The following FAT3 variants were observed in gnomAD, a reference collection of about 807,000 sequenced individuals.
The protein encoded by FAT3 is protocadherin Fat 3.
Under a neutral mutation model 310.2 loss-of-function variants are expected in FAT3, and 95 were observed. That is an observed-to-expected ratio of 0.31 (90% CI 0.26 to 0.36). The LOEUF is 0.36. Ranked by LOEUF, FAT3 falls within the 10% of genes least tolerant of loss-of-function variation. FAT3 has a pLI of 1.00. For synonymous variants in FAT3, 2,314 were observed against 2,192.9 expected, an observed-to-expected ratio of 1.06 and a Z score of -1.54; for missense variants, 5,408 against 5,715.6, an observed-to-expected ratio of 0.95 and a Z score of 1.74.
chr11:92,828,101 G>A (rs903256528), intron 13 of FAT3, among the ~76,000 whole-genome samples: 2 of 151,840 alleles, frequency 1.3e-5, no homozygotes, highest in African/African-American at 4.8e-5. Context: ...AGACCAATTA[G>A]CAAGCAAGTC....
chr11:92,320,528 A>T (rs1850250444), intron 1 of FAT3, among the ~76,000 whole-genome samples: 1 of 152,142 alleles, frequency 6.6e-6, no homozygotes, highest in Non-Finnish European at 1.5e-5. Flanking sequence ...CTAAGGATCA[A>T]ATTCATTTTT....
At chr11:92,495,244 G>A (rs751989589) in intron 2 of FAT3, among the ~76,000 whole-genome samples, 6 of 152,200 alleles carry the variant, frequency 3.9e-5, no homozygotes, top group Admixed American at 1.3e-4. Context: ...TTCTTTATGA[G>A]TAGATGAAAT....
chr11:92,886,687 C>T (rs567124075), intron 24 of FAT3, among the ~76,000 whole-genome samples: 3 of 152,322 alleles, frequency 2.0e-5, no homozygotes, highest in Non-Finnish European at 1.5e-5. Context: ...AAGAGCAATG[C>T]AGCCACTTCA....
At chr11:92,227,330 C>G (rs1863963935) in intron 1 of FAT3, among the ~76,000 whole-genome samples, 1 of 152,162 alleles carries the variant, frequency 6.6e-6, no homozygotes, top group Admixed American at 6.5e-5. Context: ...TGGATTTGTG[C>G]TCCTGGCTTT....
chr11:92,336,155 C>G (rs1446758021), intron 1 of FAT3: 1 of 552,912 alleles, frequency 1.8e-6, no homozygotes, highest in Non-Finnish European at 3.6e-6. Context: ...CCCACTCTCG[C>G]ATCCTGTAAT....
chr11:92,794,858 G>T (rs148230206), intron 9 of FAT3, among the ~76,000 whole-genome samples: 1 of 152,192 alleles, frequency 6.6e-6, no homozygotes, highest in Non-Finnish European at 1.5e-5. Context: ...ACACTGGTCC[G>T]CACTGGTCCT....
At chr11:92,643,978 T>G (rs1032093345) in intron 3 of FAT3, among the ~76,000 whole-genome samples, 2 of 152,272 alleles carry the variant, frequency 1.3e-5, no homozygotes, top group African/African-American at 4.8e-5. Flanking sequence ...TTCTAGATTC[T>G]TTTCAGTGCA....
intron 19 of FAT3, among the ~76,000 whole-genome samples, chr11:92,846,321 G>A (rs1183755200): frequency 6.6e-6 from 1 of 151,848 alleles, no homozygotes; most frequent in Non-Finnish European, 1.5e-5. Flanking sequence ...AAGATTCAAA[G>A]CAAAAAAGAT....
Position 92,256,394 on chromosome 11 carries a change from T to TTA in FAT3, c.-18+31234_-18+31235dup, listed in dbSNP as rs200176764. Among the ~76,000 whole-genome samples, 218 of 150,838 alleles carry TTA rather than the reference T, an allele frequency of 1.4e-3. 2 individuals carry two copies. Among genetic ancestry groups the TTA allele is most frequent in the African/African-American group, 4.1e-3 (169 of 41,156 alleles). On this transcript the variant is annotated intron_variant, in intron 1 of 27. Coordinates refer to ENST00000525166, the MANE Select transcript of FAT3 (RefSeq NM_001367949.2). ...AGGAATTTCCAGTGATCACAATTGT[T>TTA]TATATATATATATATGAAAAATATA...
chr11:92,592,383 A>G (rs928896410), intron 3 of FAT3, among the ~76,000 whole-genome samples: 8 of 131,218 alleles, frequency 6.1e-5, no homozygotes, highest in Non-Finnish European at 1.1e-4. Flanking sequence ...ATGCCATGGC[A>G]CAATCTTGGC....
chr11:92,392,248 G>C (rs1264009641), intron 2 of FAT3, among the ~76,000 whole-genome samples: 2 of 152,100 alleles, frequency 1.3e-5, no homozygotes, highest in Non-Finnish European at 2.9e-5. Context: ...AGTATCTGCA[G>C]ACATTGTTGT....
At chr11:92,626,933 A>G (rs931600961) in intron 3 of FAT3, among the ~76,000 whole-genome samples, 1 of 152,208 alleles carries the variant, frequency 6.6e-6, no homozygotes, top group Admixed American at 6.5e-5. Context: ...TGATATAATG[A>G]CACTGAATTT....
chr11:92,497,338 G>A (rs1331522946), intron 2 of FAT3, among the ~76,000 whole-genome samples: 2 of 152,024 alleles, frequency 1.3e-5, no homozygotes, highest in African/African-American at 4.8e-5. Flanking sequence ...TCAAGTTAAT[G>A]TCTGTGCATT....
chr11:92,457,227 A>G (rs750548542), intron 2 of FAT3, among the ~76,000 whole-genome samples: 27 of 152,286 alleles, frequency 1.8e-4, no homozygotes, highest in Non-Finnish European at 3.1e-4. Context: ...GAGGTCAGAG[A>G]AGGGCCAACA....
chr11:92,375,846 TA>T (rs571887227), intron 2 of FAT3, among the ~76,000 whole-genome samples: 12 of 152,022 alleles, frequency 7.9e-5, no homozygotes, highest in African/African-American at 1.9e-4. Context: ...TTTACTGACC[TA>T]AAAAAAATCA....
chr11:92,858,813 G>A (rs1362051672), intron 20 of FAT3, among the ~76,000 whole-genome samples: 3 of 151,786 alleles, frequency 2.0e-5, no homozygotes, highest in African/African-American at 7.3e-5. Flanking sequence ...TGGGGGTTGG[G>A]GGAGGAATGA....
At chr11:92,377,995 G>A (rs1949391905) in intron 2 of FAT3, among the ~76,000 whole-genome samples, 1 of 150,084 alleles carries the variant, frequency 6.7e-6, no homozygotes, top group African/African-American at 2.5e-5. Context: ...AATGGACACT[G>A]TGGCTCTATG....
chr11:92,585,525 G>A (rs1792352), intron 3 of FAT3, among the ~76,000 whole-genome samples: 54,893 of 151,864 alleles, frequency 0.36, 10,341 homozygotes, highest in African/African-American at 0.45. Context: ...AGTTAGAAAA[G>A]TAAACATTCA....
At chr11:92,829,453 T>A (rs1948184070) in intron 13 of FAT3, among the ~76,000 whole-genome samples, 1 of 152,186 alleles carries the variant, frequency 6.6e-6, no homozygotes, top group Non-Finnish European at 1.5e-5. Flanking sequence ...TGGAGAGGCA[T>A]CCTGAGACCA....
Sources: allele counts gnomAD v4.1 joint callset (sites outside exome capture counted in the v4.1 genomes callset), GRCh38; gene constraint gnomAD v4.1.1; transcripts MANE v1.5; gene names NCBI Gene and HGNC (gene_info 2026-07-23, HGNC 2026-07-21).